The following CIAO1 variants were observed in gnomAD, a reference collection of about 807,000 sequenced individuals.
The protein encoded by CIAO1 is probable cytosolic iron-sulfur protein assembly protein CIAO1.
A neutral mutation model predicts 43.1 loss-of-function variants in CIAO1; 32 were observed. That is an observed-to-expected ratio of 0.74 (90% confidence interval 0.56 to 1.00). CIAO1 has a LOEUF of 1.00. Ranked by LOEUF, CIAO1 falls within the 50% of genes least tolerant of loss-of-function variation. The pLI, the probability that CIAO1 is intolerant of heterozygous loss-of-function variation, is 0.00. For missense variants in CIAO1, 415 were observed against 437.4 expected, an observed-to-expected ratio of 0.95 and a Z score of 0.46; for synonymous variants, 183 against 171.4, an observed-to-expected ratio of 1.07 and a Z score of -0.53.
chr2:96,272,222 CAAGTT>C lies in CIAO1; in HGVS notation c.*872_*876del. The C allele has an allele frequency of 6.6e-6, 1 of 152,320 alleles. No individual in the cohort carries two copies. The highest frequency in any genetic ancestry group is 1.9e-4 in the East Asian group (1 of 5,178). 9.4% of individuals were successfully genotyped at this position (152,320 alleles called of 1,614,324 possible). Reference sequence around the variant, plus strand: ...ATCAGCAGGCAGTTTCAGACTCACTCAAGTTGTCTCTTGACAGTCACTTCTAAATG... The same window carrying C: ...ATCAGCAGGCAGTTTCAGACTCACTCGTCTCTTGACAGTCACTTCTAAATG... On this transcript the variant is annotated 3_prime_UTR_variant, in exon 7 of 7. Coordinates refer to ENST00000488633, the MANE Select transcript of CIAO1 (RefSeq NM_004804.3).
intron 4 of CIAO1, 32 bp from the exon 5 acceptor site, chr2:96,268,425 A>T: frequency 6.3e-7 from 1 of 1,595,996 alleles, no homozygotes; most frequent in Non-Finnish European, 8.6e-7. Context: ...CCACACAGAC[A>T]CATGTTGGGT....
chr2:96,267,432 C>T lies in CIAO1; in HGVS notation c.251C>T (p.Thr84Ile). 1.2e-6 allele frequency: 2 copies of T among 1,614,224 alleles called. 1 individual carries two copies. The highest frequency in any genetic ancestry group is 1.7e-6 in the Non-Finnish European group (2 of 1,180,030). ...CTGGCCTCTGCCAGCTTTGATGCTA[C>T]CACTTGCATTTGGAAGAAGAACCAG... ...NYLASASFDA[T>I]TCIWKKNQDD... The change falls in exon 2 of 7, where the codon ACC becomes ATC. Residue 84 changes from threonine (T) to isoleucine (I), a missense_variant. Thr to Ile is a moderately conservative substitution (Grantham distance 89). Transcript: ENST00000488633.
chr2:96,266,298 C>CT lies in CIAO1; in HGVS notation c.-52dup. 1 of 1,333,344 alleles carries CT rather than the reference C, an allele frequency of 7.5e-7. No individual in the cohort carries two copies. 82.6% of individuals were successfully genotyped at this position (1,333,344 alleles called of 1,614,324 possible). On this transcript the variant is annotated 5_prime_UTR_variant, in exon 1 of 7. Coordinates refer to ENST00000488633, the MANE Select transcript of CIAO1 (RefSeq NM_004804.3). ...ACGCAGACGCGCGCGGTGAGACCCG[C>CT]TGTCTGCTCAGCGGACTCTGCCCGC...
Position 96,266,440 on chromosome 2 carries a change from G to C in CIAO1, c.90G>C (p.Leu30=). The change falls in exon 1 of 7, where the codon CTG becomes CTC. Residue 30 remains leucine, a synonymous_variant. Coordinates refer to ENST00000488633, the MANE Select transcript of CIAO1 (RefSeq NM_004804.3). ...TGGCCTGGAACCCCGCGGGGACCCT[G>C]CTGGCCTCGTGCGGCGGCGACCGGA... ...WFLAWNPAGT[L]LASCGGDRRI... is the part of the protein sequence containing the mutation. 6.4e-7 allele frequency: 1 copy of C among 1,561,048 alleles called. No individual in the cohort carries two copies. The highest frequency in any genetic ancestry group is 8.7e-7 in the Non-Finnish European group (1 of 1,149,322).
At chr2:96,269,194 A>G in intron 5 of CIAO1, 74 bp from the exon 6 acceptor site, 4 of 1,249,226 alleles carry the variant, frequency 3.2e-6, no homozygotes, top group Middle Eastern at 3.8e-4. Context: ...AGGGTGAGGG[A>G]AGGTAAGTTA....
Position 96,266,266 on chromosome 2 carries a change from G to C in CIAO1, c.-85G>C. ...TCTGTCGGCCGCGGAAGCCTGGAGT[G>C]GGCGGTACGCAGACGCGCGCGGTGA... On this transcript the variant is annotated 5_prime_UTR_variant, in exon 1 of 7. Coordinates refer to ENST00000488633, the MANE Select transcript of CIAO1 (RefSeq NM_004804.3). 1 of 1,270,178 alleles carries C rather than the reference G, an allele frequency of 7.9e-7. No homozygotes were observed. Among genetic ancestry groups the C allele is most frequent in the Non-Finnish European group, 1.0e-6 (1 of 998,950 alleles). 78.7% of individuals were successfully genotyped at this position (1,270,178 alleles called of 1,614,324 possible).
At position 96,267,929 on chromosome 2, in the gene CIAO1, G is replaced by C; in HGVS notation, c.489+5G>C. 6.2e-7 allele frequency: 1 copy of C among 1,612,672 alleles called. No homozygotes were observed. The highest frequency in any genetic ancestry group is 8.5e-7 in the Non-Finnish European group (1 of 1,178,766). On this transcript the variant is annotated splice_donor_5th_base_variant and intron_variant, in intron 4 of 6. Coordinates refer to ENST00000488633, the MANE Select transcript of CIAO1 (RefSeq NM_004804.3). ...GTTTGGCACCCAAGTCAGGAGGTAA[G>C]AGTCAAGCAGGGACTCTTGTGGGAA...
rs1684549193 is a variant in CIAO1, at chr2:96,271,467, C to T, written c.*116C>T. The T allele has an allele frequency of 3.1e-6, 4 of 1,299,072 alleles. No homozygotes were observed. In the Admixed American group the frequency reaches 9.5e-5, roughly 31 times the overall value. 80.5% of individuals were successfully genotyped at this position (1,299,072 alleles called of 1,614,324 possible). On this transcript the variant is annotated 3_prime_UTR_variant, in exon 7 of 7. Transcript: ENST00000488633. The stretch of plus-strand genomic sequence containing the variant: ...GACCTTCATTTAACTTGGCTCACTT[C>T]TCTTCAGACTTGGGTAGAAGTGCAG...
At position 96,266,269 on chromosome 2, in the gene CIAO1, C is replaced by A. The variant is rs961578084; in HGVS notation, c.-82C>A. ...GTCGGCCGCGGAAGCCTGGAGTGGG[C>A]GGTACGCAGACGCGCGCGGTGAGAC... On this transcript the variant is annotated 5_prime_UTR_variant, in exon 1 of 7. Coordinates refer to ENST00000488633, the MANE Select transcript of CIAO1 (RefSeq NM_004804.3). 9 of 1,275,070 alleles carry A rather than the reference C, an allele frequency of 7.1e-6. No individual in the cohort carries two copies. In the East Asian group the frequency reaches 1.3e-4, roughly 18 times the overall value. 79.0% of individuals were successfully genotyped at this position (1,275,070 alleles called of 1,614,324 possible). A position where few individuals can be genotyped will look rare whatever the true frequency, so the allele number is the denominator to read the frequency against.
chr2:96,268,931 C>G, intron 5 of CIAO1: 1 of 567,296 alleles, frequency 1.8e-6, no homozygotes, highest in Non-Finnish European at 3.1e-6. Context: ...GGCGGGAATG[C>G]TTAGACTGAG....
rs558353717 is a variant in CIAO1, at chr2:96,267,391, C to A, written c.210C>A (p.Ser70=). Residue 70 remains serine, a synonymous_variant, in exon 2 of 7, where the codon TCC becomes TCA. Coordinates refer to ENST00000488633, the MANE Select transcript of CIAO1 (RefSeq NM_004804.3). ...GCACCGTGCGGAAGGTAGCCTGGTC[C>A]CCCTGCGGTAATTACCTGGCCTCTG... The part of the protein sequence containing the change: ...HQRTVRKVAW[S]PCGNYLASAS... 198 of 1,614,052 alleles carry A rather than the reference C, an allele frequency of 1.2e-4. No homozygotes were observed. Among genetic ancestry groups the A allele is most frequent in the Non-Finnish European group, 1.6e-4 (187 of 1,180,040 alleles).
Position 96,268,550 on chromosome 2 carries a change from T to C in CIAO1, c.583T>C (p.Ser195Pro). ...VCCATLEGHE[S>P]TVWSLAFDPS... ...CTGTGCCACCCTTGAGGGCCATGAA[T>C]CCACTGTGTGGAGCTTGGCCTTTGA... The change falls in exon 5 of 7, where the codon TCC becomes CCC. Residue 195 changes from serine (S) to proline (P), a missense_variant. Coordinates refer to ENST00000488633, the MANE Select transcript of CIAO1 (RefSeq NM_004804.3). 1.9e-6 allele frequency: 3 copies of C among 1,614,200 alleles called. No homozygotes were observed. The highest frequency in any genetic ancestry group is 1.7e-6 in the Non-Finnish European group (2 of 1,180,030).
At position 96,267,484 on chromosome 2, in the gene CIAO1, T is replaced by C. The variant is rs772800900; in HGVS notation, c.288+15T>C. On this transcript the variant is annotated intron_variant, in intron 2 of 6. Coordinates refer to ENST00000488633, the MANE Select transcript of CIAO1 (RefSeq NM_004804.3). The stretch of plus-strand genomic sequence containing the variant: ...ATGACTTTGAGGTACCCAGGCTGGT[T>C]GGGACCAGAATTATTGCCTGTTTCC... 6.2e-7 allele frequency: 1 copy of C among 1,613,722 alleles called. No individual in the cohort carries two copies. The highest frequency in any genetic ancestry group is 1.1e-5 in the South Asian group (1 of 91,062).
At chr2:96,266,712 G>A (rs936371450) in intron 1 of CIAO1, among the ~76,000 whole-genome samples, 3 of 152,246 alleles carry the variant, frequency 2.0e-5, no homozygotes, top group South Asian at 2.1e-4. Flanking sequence ...TAGCTGCAGA[G>A]GCAGGAAAAT....
In CIAO1 at chr2:96,267,427, T is replaced by TGCA; in HGVS notation, c.248_249insAGC (p.Ala83dup). The TGCA allele has an allele frequency of 6.2e-7, 1 of 1,614,198 alleles. No individual in the cohort carries two copies. The highest frequency in any genetic ancestry group is 8.5e-7 in the Non-Finnish European group (1 of 1,180,040). On this transcript the variant is annotated inframe_insertion, in exon 2 of 7. Transcript: ENST00000488633. ...ATTACCTGGCCTCTGCCAGCTTTGA[T>TGCA]GCTACCACTTGCATTTGGAAGAAGA...
At chr2:96,270,680 C>T (rs2104319338) in intron 6 of CIAO1, among the ~76,000 whole-genome samples, 1 of 150,702 alleles carries the variant, frequency 6.6e-6, no homozygotes, top group East Asian at 2.0e-4. Flanking sequence ...CATGGTGGCA[C>T]ATGCCTGTAG....
rs1268196270 is a variant in CIAO1, at chr2:96,272,369, G to A, written c.*1018G>A. The A allele has an allele frequency of 1.3e-5, 2 of 152,222 alleles. No individual in the cohort carries two copies. Among genetic ancestry groups the A allele is most frequent in the South Asian group, 2.1e-4 (1 of 4,832 alleles). The allele number at this position is 152,222 out of a possible 1,614,324, so 9.4% of individuals were successfully genotyped here. ...TAGAATAGTGGTTCTCGAAGAATGC[G>A]GCCTGCAGATCCTGGGAGTCCCAAG... is the stretch of plus-strand genomic sequence containing the variant. On this transcript the variant is annotated 3_prime_UTR_variant, in exon 7 of 7. Transcript: ENST00000488633.
In CIAO1 at chr2:96,267,898, CA is replaced by C; in HGVS notation, c.464del (p.His155LeufsTer11). 1 of 1,614,120 alleles carries C rather than the reference CA, an allele frequency of 6.2e-7. No homozygotes were observed. Among genetic ancestry groups the C allele is most frequent in the Non-Finnish European group, 8.5e-7 (1 of 1,180,000 alleles). ...CAACTCCCACACACAGGATGTCAAG[CA>C]TGTGGTTTGGCACCCAAGTCAGGAG... Reference protein sequence around the residue: ...VLNSHTQDVKHVVWHPSQELL... With the variant: ...VLNSHTQDVKXVVWHPSQELL... On this transcript the variant is annotated frameshift_variant, in exon 4 of 7. Transcript: ENST00000488633. LOFTEE classifies it high-confidence loss of function.
rs1684584145 is a variant in CIAO1, at chr2:96,273,078, T to C, written c.*1727T>C. ...CTCTCACCTCAAGGGAAACAACTGATAGTGTTGCCAGTGATAAAGCTTTCA... is the reference window on the plus strand; with the variant it reads ...CTCTCACCTCAAGGGAAACAACTGACAGTGTTGCCAGTGATAAAGCTTTCA... On this transcript the variant is annotated 3_prime_UTR_variant, in exon 7 of 7. Coordinates refer to ENST00000488633, the MANE Select transcript of CIAO1 (RefSeq NM_004804.3). 2 of 152,190 alleles carry C rather than the reference T, an allele frequency of 1.3e-5. No homozygotes were observed. Among genetic ancestry groups the C allele is most frequent in the Non-Finnish European group, 1.5e-5 (1 of 68,044 alleles). 9.4% of individuals were successfully genotyped at this position (152,190 alleles called of 1,614,324 possible).
Sources: allele counts gnomAD v4.1 joint callset (sites outside exome capture counted in the v4.1 genomes callset), GRCh38; gene constraint gnomAD v4.1.1; transcripts MANE v1.5; gene names NCBI Gene and HGNC (gene_info 2026-07-23, HGNC 2026-07-21).